Variants in SYBU observed in about 807,000 individuals in gnomAD.
SYBU encodes the protein syntabulin.
In SYBU, 21 loss-of-function variants were observed where a neutral mutation model predicts 35.9. The ratio of observed to expected loss-of-function variants is 0.58; its 90% confidence interval spans 0.41 to 0.84. The LOEUF is 0.84. Ranked by LOEUF, SYBU falls within the 40% of genes least tolerant of loss-of-function variation. SYBU has a pLI of 0.00. For missense variants in SYBU, 768 were observed against 848.2 expected (o/e 0.91, Z 1.17); for synonymous variants, 319 against 324.3 (o/e 0.98, Z 0.18).
chr8:109,608,152 C>G (rs1826259485), intron 3 of SYBU: 1 of 508,276 alleles, frequency 2.0e-6, no homozygotes, highest in Non-Finnish European at 3.5e-6. Flanking sequence ...CAGGGAAGAG[C>G]ACAGGGCCTT....
chr8:109,580,006 G>T lies in SYBU; in HGVS notation c.531-4C>A. 6.2e-7 allele frequency: 1 copy of T among 1,611,718 alleles called. No homozygotes were observed. The highest frequency in any genetic ancestry group is 8.5e-7 in the Non-Finnish European group (1 of 1,179,298). ...ACTCCGCCCATGAGGACCTCGACTG[G>T]GAGAAAAGAATGAAAAATGTTAAAA... On this transcript the variant is annotated splice_region_variant and splice_polypyrimidine_tract_variant and intron_variant, in intron 4 of 6. Coordinates refer to ENST00000276646, the MANE Select transcript of SYBU (RefSeq NM_001099754.2).
Position 109,583,592 on chromosome 8 carries a change from C to T in SYBU, c.530+2468G>A, listed in dbSNP as rs114944724. ...TTCCTGTTAGCCTTCCTTCAGGGAG[C>T]TAATTCTCCACAGAGAAAATTCATT... On this transcript the variant is annotated intron_variant, in intron 4 of 6. Transcript: ENST00000276646. 7.2e-3 allele frequency among the ~76,000 whole-genome samples: 1,090 copies of T among 152,274 alleles called. 8 individuals are homozygous for T. Among genetic ancestry groups the T allele is most frequent in the African/African-American group, 0.025 (1,034 of 41,532 alleles).
At chr8:109,625,454 G>A (rs372400620) in intron 2 of SYBU, among the ~76,000 whole-genome samples, 9 of 152,038 alleles carry the variant, frequency 5.9e-5, no homozygotes, top group Admixed American at 2.6e-4. Flanking sequence ...ACAGAGTCTC[G>A]CTCTGTTGCC....
intron 1 of SYBU, among the ~76,000 whole-genome samples, chr8:109,659,010 C>G (rs1816465921): frequency 2.0e-5 from 3 of 152,046 alleles, no homozygotes; most frequent in African/African-American, 4.8e-5. Flanking sequence ...CATTCACCTG[C>G]TTGGCCTCTT....
intron 3 of SYBU, among the ~76,000 whole-genome samples, chr8:109,606,134 A>G (rs1826045400): frequency 6.6e-6 from 1 of 152,266 alleles, no homozygotes; most frequent in Non-Finnish European, 1.5e-5. Context: ...TGTACATAAA[A>G]TCCCACAATT....
chr8:109,574,992 C>T lies in SYBU; in HGVS notation c.1906G>A (p.Val636Met), dbSNP rs375500730. ...FSTQRGGTDP[V>M]YNIGALLRGC... ...CTGAGCAAGGCCCCGATGTTATACA[C>T]AGGATCCGTTCCCCCTCTCTGAGTA... The change falls in exon 7 of 7, where the codon GTG (valine) becomes ATG (methionine). Residue 636 changes from valine (V) to methionine (M), a missense_variant. Val to Met is a conservative substitution (Grantham distance 21, BLOSUM62 1). Coordinates refer to ENST00000276646, the MANE Select transcript of SYBU (RefSeq NM_001099754.2). 3 of 1,571,650 alleles carry T rather than the reference C, an allele frequency of 1.9e-6. No homozygotes were observed. Among genetic ancestry groups the T allele is most frequent in the Middle Eastern group, 1.7e-4 (1 of 5,824 alleles).
chr8:109,627,608 T>TA (rs1413880236), intron 2 of SYBU, among the ~76,000 whole-genome samples: 1 of 152,166 alleles, frequency 6.6e-6, no homozygotes, highest in Non-Finnish European at 1.5e-5. Context: ...GGATTCAAAG[T>TA]AAGGTTTGTC....
intron 3 of SYBU, among the ~76,000 whole-genome samples, chr8:109,610,002 T>C (rs887414118): frequency 1.3e-5 from 2 of 152,114 alleles, no homozygotes; most frequent in African/African-American, 2.4e-5. Context: ...AACCCTCCAA[T>C]GTCTTCACAT....
intron 1 of SYBU, among the ~76,000 whole-genome samples, chr8:109,689,227 C>A (rs928631793): frequency 5.9e-5 from 9 of 152,132 alleles, no homozygotes; most frequent in African/African-American, 2.2e-4. Context: ...GGGTCTTCCC[C>A]AACGGTTATA....
chr8:109,686,462 T>G (rs562780146), intron 1 of SYBU, among the ~76,000 whole-genome samples: 1 of 152,292 alleles, frequency 6.6e-6, no homozygotes, highest in South Asian at 2.1e-4. Context: ...TAAGTGTCAT[T>G]AGGTTTAATG....
chr8:109,671,173 C>CA (rs547837340), intron 1 of SYBU, among the ~76,000 whole-genome samples: 3 of 151,126 alleles, frequency 2.0e-5, no homozygotes, highest in South Asian at 4.2e-4. Flanking sequence ...AATTTCCATG[C>CA]AAAAAAAATA....
At chr8:109,577,843 C>T (rs1822524337) in intron 6 of SYBU, 25 bp downstream of exon 6, 1 of 1,595,930 alleles carries the variant, frequency 6.3e-7, no homozygotes, top group Non-Finnish European at 8.5e-7. Flanking sequence ...TCCTACACCC[C>T]ACCGTTCAAG....
At chr8:109,675,498 T>C (rs1299021266) in intron 1 of SYBU, among the ~76,000 whole-genome samples, 2 of 152,156 alleles carry the variant, frequency 1.3e-5, no homozygotes, top group Non-Finnish European at 2.9e-5. Flanking sequence ...CATCAGAGAA[T>C]ACTATAAACA....
chr8:109,647,109 TAATACTGA>T (rs1815777936), upstream of SYBU: 2 of 152,334 alleles, frequency 1.3e-5, no homozygotes, highest in South Asian at 4.1e-4. Context: ...GTCCTCCAGG[TAATACTGA>T]AACTCCTTAA....
At chr8:109,605,764 A>G (rs573587487) in intron 3 of SYBU, among the ~76,000 whole-genome samples, 5 of 152,202 alleles carry the variant, frequency 3.3e-5, no homozygotes, top group Non-Finnish European at 7.3e-5. Context: ...TTTTATACAG[A>G]TTAATCAATC....
At chr8:109,679,022 A>G (rs2130780577) in intron 1 of SYBU, among the ~76,000 whole-genome samples, 2 of 152,268 alleles carry the variant, frequency 1.3e-5, no homozygotes, top group African/African-American at 4.8e-5. Context: ...CTTGCTGATA[A>G]AACAGGATGC....
intron 6 of SYBU, 98 bp downstream of exon 6, chr8:109,577,770 A>AT (rs1822515308): frequency 7.5e-7 from 1 of 1,326,558 alleles, no homozygotes; most frequent in Admixed American, 2.6e-5. Context: ...GAATACAATC[A>AT]TTTTTTCTTT....
intron 1 of SYBU, among the ~76,000 whole-genome samples, chr8:109,660,201 T>C (rs1372455364): frequency 6.6e-6 from 1 of 152,190 alleles, no homozygotes; most frequent in Admixed American, 6.5e-5. Flanking sequence ...CTTGTTACCC[T>C]AGGAAGGAAG....
At chr8:109,640,125 C>T (rs1479201077) in intron 2 of SYBU, among the ~76,000 whole-genome samples, 3 of 152,176 alleles carry the variant, frequency 2.0e-5, no homozygotes, top group Non-Finnish European at 4.4e-5. Context: ...TGTTCAGAGA[C>T]ACCCATAATT....
Sources: allele counts gnomAD v4.1 joint callset (sites outside exome capture counted in the v4.1 genomes callset), GRCh38; gene constraint gnomAD v4.1.1; transcripts MANE v1.5; gene names NCBI Gene and HGNC (gene_info 2026-07-23, HGNC 2026-07-21).